Variants in ARL9 observed in about 807,000 individuals in gnomAD.
ARL9 encodes ARF like GTPase 9.
A neutral mutation model predicts 27.0 loss-of-function variants in ARL9; 14 were observed. The observed-to-expected ratio is 0.52, with a 90% CI of 0.34 to 0.81. The LOEUF is 0.81. ARL9 is among the 30% of genes least tolerant of loss of function. The pLI, the probability that ARL9 is intolerant of heterozygous loss-of-function variation, is 0.01. For synonymous variants in ARL9, 106 were observed against 108.7 expected (o/e 0.98, Z 0.15); for missense variants, 294 against 290.0 (o/e 1.01, Z -0.10).
At chr4:56,505,235 A>ATAGTCAACTAATAATCCTGGGTAG, upstream of ARL9, 1 of 342,142 alleles carries the variant, frequency 2.9e-6, no homozygotes, top group South Asian at 2.1e-5. Context: ...ATCCTGGGTA[A>ATAGTCAACTAATAATCCTGGGTAG]TAGTCAACTA....
chr4:56,520,200 TC>T (rs1721879133), intron 3 of ARL9, among the ~76,000 whole-genome samples: 1 of 152,084 alleles, frequency 6.6e-6, no homozygotes, highest in Non-Finnish European at 1.5e-5. Flanking sequence ...ACAGAGTTTC[TC>T]CATGTTGGCC....
chr4:56,519,339 C>T (rs1409611248), intron 3 of ARL9, among the ~76,000 whole-genome samples: 5 of 152,070 alleles, frequency 3.3e-5, no homozygotes, highest in Non-Finnish European at 7.4e-5. Context: ...AGGCTGGGCA[C>T]GGTGGCTCAC....
chr4:56,516,680 C>T (rs1005104481), intron 2 of ARL9, among the ~76,000 whole-genome samples: 3 of 151,992 alleles, frequency 2.0e-5, no homozygotes, highest in Non-Finnish European at 4.4e-5. Context: ...CCTGTAATCC[C>T]AGCACTTTGG....
chr4:56,506,218 C>T (rs1173645508), intron 1 of ARL9, 77 bp downstream of exon 1: 21 of 1,221,162 alleles, frequency 1.7e-5, no homozygotes, highest in Admixed American at 4.2e-5. Context: ...GTCTCTGTTA[C>T]GTCGGAGGCC....
Position 56,523,901 on chromosome 4 carries a change from T to C in ARL9, c.*25T>C. 2 of 1,596,146 alleles carry C rather than the reference T, an allele frequency of 1.3e-6. No individual in the cohort carries two copies. The highest frequency in any genetic ancestry group is 1.7e-6 in the Non-Finnish European group (2 of 1,170,948). On this transcript the variant is annotated 3_prime_UTR_variant, in exon 4 of 4. Coordinates refer to ENST00000640821, the MANE Select transcript of ARL9 (RefSeq NM_001363794.2). ...ACCAGGACTCAGCCCACTGTGCGGC[T>C]CACGACTGAGATGTCATCAGTGTTG...
At chr4:56,522,662 G>A (rs1721956408) in intron 3 of ARL9, among the ~76,000 whole-genome samples, 1 of 152,190 alleles carries the variant, frequency 6.6e-6, no homozygotes, top group South Asian at 2.1e-4. Flanking sequence ...AATTCTTGGT[G>A]TATGAGAGTT....
At position 56,523,824 on chromosome 4, in the gene ARL9, C is replaced by G; in HGVS notation, c.746C>G (p.Thr249Ser). The change falls in exon 4 of 4, where the codon ACC (threonine) becomes AGC (serine). Residue 249 changes from threonine to serine, a missense_variant. Coordinates refer to ENST00000640821, the MANE Select transcript of ARL9 (RefSeq NM_001363794.2). ...AAGAATGGCTCAGAGATACCCTCCACCATGCAAGATGCCAAAGACTTGATT... is the reference window on the plus strand; with the variant it reads ...AAGAATGGCTCAGAGATACCCTCCAGCATGCAAGATGCCAAAGACTTGATT... ...LTKNGSEIPS[T>S]MQDAKDLIAQ... 6.2e-7 allele frequency: 1 copy of G among 1,614,030 alleles called. No homozygotes were observed. Among genetic ancestry groups the G allele is most frequent in the African/African-American group, 1.3e-5 (1 of 75,054 alleles).
At chr4:56,508,313 A>G (rs1721526818) in intron 1 of ARL9, among the ~76,000 whole-genome samples, 1 of 152,232 alleles carries the variant, frequency 6.6e-6, no homozygotes, top group Non-Finnish European at 1.5e-5. Flanking sequence ...GATGGAAGAC[A>G]TCTATGAAAA....
chr4:56,519,205 A>G (rs1721849037), intron 3 of ARL9, among the ~76,000 whole-genome samples: 1 of 152,234 alleles, frequency 6.6e-6, no homozygotes, highest in Admixed American at 6.5e-5. Context: ...TATTCTACAC[A>G]TGCATTAAAA....
upstream of ARL9, chr4:56,505,675 G>A: frequency 1.0e-6 from 1 of 972,920 alleles, no homozygotes; most frequent in Non-Finnish European, 1.5e-6. Flanking sequence ...TCGGCTGCAA[G>A]AAGCCCTGCA....
At chr4:56,507,621 C>T (rs774151383) in intron 1 of ARL9, among the ~76,000 whole-genome samples, 12 of 151,368 alleles carry the variant, frequency 7.9e-5, no homozygotes, top group Non-Finnish European at 1.5e-4. Flanking sequence ...GGCCTGGGAA[C>T]TGCTTTTAAT....
In ARL9 at chr4:56,523,926, G is replaced by A. The variant is rs1252183397; in HGVS notation, c.*50G>A. 6.6e-7 allele frequency: 1 copy of A among 1,523,242 alleles called. No individual in the cohort carries two copies. The highest frequency in any genetic ancestry group is 2.1e-5 in the Admixed American group (1 of 46,786). 94.4% of individuals were successfully genotyped at this position (1,523,242 alleles called of 1,614,324 possible). On this transcript the variant is annotated 3_prime_UTR_variant, in exon 4 of 4. Coordinates refer to ENST00000640821, the MANE Select transcript of ARL9 (RefSeq NM_001363794.2). ...TCACGACTGAGATGTCATCAGTGTTGAATGGCAGGCTTGAAGCCAAAGGTT... is the reference window on the plus strand; with the variant it reads ...TCACGACTGAGATGTCATCAGTGTTAAATGGCAGGCTTGAAGCCAAAGGTT...
At chr4:56,509,701 A>AT (rs766835732) in intron 1 of ARL9, among the ~76,000 whole-genome samples, 9,088 of 98,154 alleles carry the variant, frequency 0.093, 789 homozygotes, top group East Asian at 0.36. Flanking sequence ...CACTGGGCTA[A>AT]TTTTTTTTTT....
upstream of ARL9, chr4:56,505,436 G>A (rs1415320208): frequency 6.5e-6 from 3 of 459,992 alleles, no homozygotes; most frequent in South Asian, 1.5e-5. Context: ...GATTGAAGCC[G>A]GAGACGTCAG....
upstream of ARL9, chr4:56,505,637 C>T (rs1721431013): frequency 1.4e-6 from 1 of 698,234 alleles, no homozygotes; most frequent in Non-Finnish European, 2.3e-6. Context: ...GCCCTTCCCT[C>T]TTTGCGAACC....
At chr4:56,506,261 G>A in intron 1 of ARL9, 120 bp downstream of exon 1, 1 of 1,022,840 alleles carries the variant, frequency 9.8e-7, no homozygotes, top group African/African-American at 1.7e-5. Flanking sequence ...GATCTCAACT[G>A]AGGGCTATTT....
chr4:56,523,831 A>C lies in ARL9; in HGVS notation c.753A>C (p.Gln251His). ...GCTCAGAGATACCCTCCACCATGCA[A>C]GATGCCAAAGACTTGATTGCACAGC... ...KNGSEIPSTM[Q>H]DAKDLIAQLA... is the part of the protein sequence containing the mutation. The change falls in exon 4 of 4, where the codon CAA becomes CAC. Residue 251 changes from glutamine (Q) to histidine (H), a missense_variant. By Grantham distance (24) the Gln-to-His change is conservative (BLOSUM62 0). Transcript: ENST00000640821. 6.2e-7 allele frequency: 1 copy of C among 1,614,034 alleles called. No individual in the cohort carries two copies. Among genetic ancestry groups the C allele is most frequent in the Non-Finnish European group, 8.5e-7 (1 of 1,179,900 alleles).
At position 56,505,982 on chromosome 4, in the gene ARL9, AAAGC is replaced by A. The variant is rs1721447003; in HGVS notation, c.124_127del (p.Gln42ArgfsTer43). 10 of 1,198,198 alleles carry A rather than the reference AAAGC, an allele frequency of 8.3e-6. No individual in the cohort carries two copies. The Admixed American group carries it at 2.0e-4, about 24-fold the overall frequency. 74.2% of individuals were successfully genotyped at this position (1,198,198 alleles called of 1,614,324 possible). A position where few individuals can be genotyped will look rare whatever the true frequency, so the allele number is the denominator to read the frequency against. ...AGGAGGTGGAGCAGAAAATTAAACA[AAAGC>A]AAGAGAAGCAGGAGAGGAGAAAGGG... On this transcript the variant is annotated frameshift_variant, in exon 1 of 4. Coordinates refer to ENST00000640821, the MANE Select transcript of ARL9 (RefSeq NM_001363794.2). LOFTEE classifies it high-confidence loss of function.
intron 2 of ARL9, 121 bp from the exon 3 acceptor site, chr4:56,518,557 T>G: frequency 1.2e-6 from 1 of 841,318 alleles, no homozygotes; most frequent in Non-Finnish European, 1.9e-6. Context: ...TCTAACACGG[T>G]GATATTTTAT....
Sources: gnomAD v4.1 joint callset for allele counts (sites outside exome capture counted in the v4.1 genomes callset) on GRCh38, gnomAD v4.1.1 for gene constraint, MANE v1.5 for transcripts, NCBI Gene and HGNC (gene_info 2026-07-23, HGNC 2026-07-21) for gene names.